Variants in EYA3 observed in about 807,000 individuals in gnomAD.
EYA3 encodes EYA transcriptional coactivator and phosphatase 3.
Under a neutral mutation model 80.0 loss-of-function variants are expected in EYA3, and 39 were observed. The ratio of observed to expected loss-of-function variants is 0.49; its 90% CI spans 0.38 to 0.64. The LOEUF is 0.64. Ranked by LOEUF, EYA3 falls within the 30% of genes least tolerant of loss-of-function variation. The pLI, the probability that EYA3 is intolerant of heterozygous loss-of-function variation, is 0.00. For missense variants in EYA3, 523 were observed against 676.1 expected (o/e 0.77, Z 2.51); for synonymous variants, 206 against 232.8 (o/e 0.88, Z 1.05).
At chr1:27,975,739 C>T (rs1638902237) in intron 17 of EYA3, among the ~76,000 whole-genome samples, 1 of 152,044 alleles carries the variant, frequency 6.6e-6, no homozygotes, top group African/African-American at 2.4e-5. Context: ...CCGTCTTGGC[C>T]TCCCAAAGTG....
intron 9 of EYA3, among the ~76,000 whole-genome samples, chr1:28,012,010 T>C (rs1641728651): frequency 6.6e-6 from 1 of 152,222 alleles, no homozygotes; most frequent in Admixed American, 6.5e-5. Flanking sequence ...ATTTTGGTAC[T>C]TGATAATACA....
At chr1:28,017,684 C>T (rs1176939185) in intron 7 of EYA3, among the ~76,000 whole-genome samples, 17 of 152,126 alleles carry the variant, frequency 1.1e-4, no homozygotes, top group Admixed American at 1.1e-3. Flanking sequence ...TTTCCTAATA[C>T]AACATAATTA....
chr1:28,020,082 C>T (rs1478034781), intron 7 of EYA3, among the ~76,000 whole-genome samples: 1 of 152,186 alleles, frequency 6.6e-6, no homozygotes, highest in East Asian at 1.9e-4. Flanking sequence ...CTCTGATTGA[C>T]AAGGTGGTTT....
chr1:28,042,435 C>T, intron 4 of EYA3, 136 bp downstream of exon 4: 1 of 693,610 alleles, frequency 1.4e-6, no homozygotes, highest in South Asian at 1.8e-5. Flanking sequence ...AGGATAAACA[C>T]ACACAAAAAC....
chr1:28,014,054 C>T (rs1641871930), intron 8 of EYA3, among the ~76,000 whole-genome samples: 2 of 152,096 alleles, frequency 1.3e-5, no homozygotes, highest in African/African-American at 4.8e-5. Flanking sequence ...CAAAGCGAGA[C>T]CCTGTCTCAA....
intron 2 of EYA3, among the ~76,000 whole-genome samples, chr1:28,048,899 C>T (rs899914605): frequency 2.0e-5 from 3 of 152,032 alleles, no homozygotes; most frequent in East Asian, 1.9e-4. Context: ...ATTGTTAACC[C>T]TGTATTTTTT....
intron 1 of EYA3, among the ~76,000 whole-genome samples, chr1:28,063,947 T>A (rs576484822): frequency 1.3e-5 from 2 of 152,242 alleles, no homozygotes; most frequent in Admixed American, 1.3e-4. Context: ...ATGATTAACA[T>A]TTTTCACCCA....
At chr1:28,085,127 G>A (rs1330020815) in intron 1 of EYA3, among the ~76,000 whole-genome samples, 1 of 152,142 alleles carries the variant, frequency 6.6e-6, no homozygotes, top group African/African-American at 2.4e-5. Flanking sequence ...GGACTTGTTG[G>A]AGGTATACTT....
intron 8 of EYA3, among the ~76,000 whole-genome samples, chr1:28,016,892 G>C (rs1434698884): frequency 6.6e-6 from 1 of 152,182 alleles, no homozygotes; most frequent in Non-Finnish European, 1.5e-5. Flanking sequence ...CATTCTAGTA[G>C]GGGCAGAGTA....
At chr1:28,063,916 G>T (rs913258801) in intron 1 of EYA3, among the ~76,000 whole-genome samples, 4 of 152,060 alleles carry the variant, frequency 2.6e-5, no homozygotes, top group South Asian at 2.1e-4. Context: ...TCCAACTTTG[G>T]GGGGGAAGGT....
intron 1 of EYA3, among the ~76,000 whole-genome samples, chr1:28,084,584 TATATATA>T (rs1161919652): frequency 1.3e-3 from 24 of 18,166 alleles, no homozygotes; most frequent in Non-Finnish European, 2.0e-3. Context: ...TATATATATA[TATATATA>T]TATATTTTTT....
chr1:27,991,600 G>C (rs546199877), intron 14 of EYA3, among the ~76,000 whole-genome samples: 163 of 152,216 alleles, frequency 1.1e-3, no homozygotes, highest in African/African-American at 3.8e-3. Context: ...AGGAGAACTG[G>C]AGTATAATTT....
intron 2 of EYA3, among the ~76,000 whole-genome samples, chr1:28,054,518 T>C (rs1644374418): frequency 6.6e-6 from 1 of 152,208 alleles, no homozygotes; most frequent in African/African-American, 2.4e-5. Context: ...CTTTATCCCA[T>C]AGACCTGTAA....
chr1:28,013,195 T>C lies in EYA3; in HGVS notation c.685A>G (p.Ser229Gly), dbSNP rs776090974. The C allele has an allele frequency of 2.5e-6, 4 of 1,614,116 alleles. No individual in the cohort carries two copies. In the East Asian group the frequency reaches 8.9e-5, roughly 36 times the overall value. Residue 229 changes from serine to glycine, a missense_variant, in exon 9 of 18, where the codon AGC becomes GGC. By Grantham distance (56) the Ser-to-Gly change is moderately conservative (BLOSUM62 0). This residue lies in a region of EYA3 where 304 missense variants were observed against 343.3 expected (regional missense o/e 0.89). Coordinates refer to ENST00000373871, the MANE Select transcript of EYA3 (RefSeq NM_001990.4). This position sits in a 1 kb window ranked among gnomAD's most constrained non-coding sequence, Gnocchi z 4.0. ...TATGTGGTTGCTGCTAATGTGGTGC[T>C]CTCTGCATCACTGTTAGTCTGACCT... is the stretch of plus-strand genomic sequence containing the variant. ...VTGQTNSDAE[S>G]TTLAATTYQS...
At position 28,031,111 on chromosome 1, in the gene EYA3, A is replaced by G. The variant is rs1571849433; in HGVS notation, c.362-3185T>C. Among the ~76,000 whole-genome samples, 7 of 152,352 alleles carry G rather than the reference A, an allele frequency of 4.6e-5. No individual in the cohort carries two copies. The South Asian group carries it at 1.4e-3, about 32-fold the overall frequency. ...ATCAAAAATTAGAACACAAATGTCCAAAATAAGTAGGAGATAGCTAGCTAG... is the reference window on the plus strand; with the variant it reads ...ATCAAAAATTAGAACACAAATGTCCGAAATAAGTAGGAGATAGCTAGCTAG... On this transcript the variant is annotated intron_variant, in intron 6 of 17. Transcript: ENST00000373871.
At chr1:28,023,955 T>A (rs1408966938) in intron 7 of EYA3, among the ~76,000 whole-genome samples, 2 of 152,152 alleles carry the variant, frequency 1.3e-5, no homozygotes, top group East Asian at 3.8e-4. Context: ...AAATAAAGTC[T>A]AGGCCAGGCG....
chr1:27,997,179 A>G, intron 13 of EYA3, 141 bp downstream of exon 13: 2 of 740,424 alleles, frequency 2.7e-6, no homozygotes, highest in South Asian at 3.3e-5. Flanking sequence ...ACGGTTAACT[A>G]TGTTTGTTTC....
intron 9 of EYA3, 105 bp from the exon 10 acceptor site, chr1:28,011,191 G>T: frequency 7.9e-7 from 1 of 1,265,434 alleles, no homozygotes; most frequent in Non-Finnish European, 1.1e-6. Context: ...CATAATGCAG[G>T]GATAAAGGTT....
intron 1 of EYA3, among the ~76,000 whole-genome samples, chr1:28,074,110 T>G (rs1051989324): frequency 2.0e-5 from 3 of 152,190 alleles, no homozygotes; most frequent in Non-Finnish European, 4.4e-5. Flanking sequence ...AAATGTAGGC[T>G]CTATTACCTG....
Sources: allele counts gnomAD v4.1 joint callset (sites outside exome capture counted in the v4.1 genomes callset), GRCh38; gene constraint gnomAD v4.1.1; regional missense constraint gnomAD v4.1.1; non-coding constraint Gnocchi (gnomAD v3.1); transcripts MANE v1.5; gene names NCBI Gene and HGNC (gene_info 2026-07-23, HGNC 2026-07-21).